Variants in ERG observed in about 807,000 individuals in gnomAD.
ERG encodes the protein transcriptional regulator ERG.
Under a neutral mutation model 55.3 loss-of-function variants are expected in ERG, and 9 were observed. The ratio of observed to expected loss-of-function variants is 0.16; its 90% CI spans 0.10 to 0.28. The LOEUF is 0.28. Ranked by LOEUF, ERG falls within the 10% of genes least tolerant of loss-of-function variation. ERG has a pLI of 1.00. For missense variants in ERG, 434 were observed against 631.6 expected (o/e 0.69, Z 3.35); for synonymous variants, 223 against 237.3 (o/e 0.94, Z 0.55).
At chr21:38,549,173 CT>C (rs1481148771) in intron 2 of ERG, among the ~76,000 whole-genome samples, 1 of 152,070 alleles carries the variant, frequency 6.6e-6, no homozygotes, top group Non-Finnish European at 1.5e-5. Flanking sequence ...AAGCCCACCC[CT>C]GACCAGTGAA....
chr21:38,528,241 C>A (rs2059644432), intron 2 of ERG, among the ~76,000 whole-genome samples: 1 of 152,130 alleles, frequency 6.6e-6, no homozygotes, highest in African/African-American at 2.4e-5. Context: ...TCTGCAATAA[C>A]CCTATTTCCA....
At chr21:38,650,084 A>G (rs2146984387) in intron 1 of ERG, among the ~76,000 whole-genome samples, 1 of 152,004 alleles carries the variant, frequency 6.6e-6, no homozygotes, top group East Asian at 1.9e-4. Context: ...TATTTTATTT[A>G]GCAGTTTTTG....
At chr21:38,639,383 A>G (rs1011328348) in intron 1 of ERG, among the ~76,000 whole-genome samples, 9 of 152,174 alleles carry the variant, frequency 5.9e-5, no homozygotes, top group Non-Finnish European at 1.2e-4. Flanking sequence ...AAAAACTATC[A>G]TTAAGATCCT....
In ERG at chr21:38,649,231, G is replaced by A. The variant is rs576170033; in HGVS notation, c.-150+12427C>T. Among the ~76,000 whole-genome samples, 38 of 152,302 alleles carry A rather than the reference G, an allele frequency of 2.5e-4. 2 individuals carry two copies. The East Asian group carries it at 5.0e-3, about 20-fold the overall frequency. The stretch of plus-strand genomic sequence containing the variant: ...CTGTTTTGGCATCACCGAGGGCTGC[G>A]GCAGGCAGCACCCAGGGGGCTTCTG... On this transcript the variant is annotated intron_variant, in intron 1 of 10. Coordinates refer to the ERG transcript ENST00000398910.
chr21:38,581,968 G>A (rs561704548), intron 1 of ERG, among the ~76,000 whole-genome samples: 8 of 151,160 alleles, frequency 5.3e-5, no homozygotes, highest in African/African-American at 1.2e-4. Context: ...GCGTGAACCC[G>A]GGAGGAGGAG....
intron 2 of ERG, among the ~76,000 whole-genome samples, chr21:38,542,503 A>C (rs527962564): frequency 1.3e-5 from 2 of 152,340 alleles, no homozygotes; most frequent in East Asian, 3.9e-4. Context: ...ATGTGTTTAT[A>C]TCAGTTGGGT....
intron 3 of ERG, among the ~76,000 whole-genome samples, chr21:38,415,061 AAC>A (rs1989218420): frequency 6.6e-6 from 1 of 152,310 alleles, no homozygotes; most frequent in African/African-American, 2.4e-5. Context: ...CAATTTAACA[AAC>A]ACATTCTCTC....
intron 2 of ERG, among the ~76,000 whole-genome samples, chr21:38,526,314 T>A (rs1005410793): frequency 2.0e-5 from 3 of 152,198 alleles, no homozygotes; most frequent in Non-Finnish European, 4.4e-5. Context: ...CTCCCCTAAG[T>A]AGTCCGTTTC....
At chr21:38,611,385 G>A (rs1030412826) in intron 1 of ERG, among the ~76,000 whole-genome samples, 3 of 152,080 alleles carry the variant, frequency 2.0e-5, no homozygotes, top group Admixed American at 6.6e-5. Flanking sequence ...GGCCCTTAGG[G>A]AACCTGGCAG....
At chr21:38,620,370 C>T (rs1047346213) in intron 1 of ERG, among the ~76,000 whole-genome samples, 9 of 152,166 alleles carry the variant, frequency 5.9e-5, no homozygotes, top group African/African-American at 9.7e-5. Context: ...TCATGTATGA[C>T]GGCCAAACCT....
intron 1 of ERG, among the ~76,000 whole-genome samples, chr21:38,609,360 C>T (rs750086707): frequency 1.3e-5 from 2 of 151,804 alleles, no homozygotes; most frequent in Non-Finnish European, 2.9e-5. Flanking sequence ...ATAGTAAATC[C>T]CAAAGAAAGT....
At chr21:38,384,956 A>G (rs927886727) in intron 9 of ERG, among the ~76,000 whole-genome samples, 2 of 152,228 alleles carry the variant, frequency 1.3e-5, no homozygotes, top group African/African-American at 4.8e-5. Context: ...TGTGTTAAGC[A>G]GCATTTCCAG....
intron 2 of ERG, among the ~76,000 whole-genome samples, chr21:38,528,066 C>A (rs921365641): frequency 6.6e-6 from 1 of 152,170 alleles, no homozygotes; most frequent in Non-Finnish European, 1.5e-5. Flanking sequence ...TCTCCCCCAG[C>A]TTCTGGGGGC....
At chr21:38,367,691 G>A in the ERG span, 7 of 499,466 alleles carry the variant, frequency 1.4e-5, no homozygotes, top group Admixed American at 1.6e-4. Context: ...CTCTTGAAAA[G>A]AGGAAAATCA....
chr21:38,569,186 T>C (rs1022275646), intron 2 of ERG, among the ~76,000 whole-genome samples: 1 of 151,326 alleles, frequency 6.6e-6, no homozygotes, highest in East Asian at 2.0e-4. Flanking sequence ...CCACCCCCAG[T>C]GGGGTACATG....
At position 38,661,451 on chromosome 21, in the gene ERG, G is replaced by C. The variant is rs1200867312; in HGVS notation, c.-150+207C>G. Among the ~76,000 whole-genome samples the C allele has an allele frequency of 3.9e-5, 6 of 152,290 alleles. No individual in the cohort carries two copies. In the South Asian group the frequency reaches 1.2e-3, roughly 32 times the overall value. On this transcript the variant is annotated intron_variant, in intron 1 of 10. Coordinates refer to the ERG transcript ENST00000398910. Reference sequence around the variant, plus strand: ...TGGGGAGGAGCCGGATACAGCCGCCGGGACGCGGGGATGCCGAGGGCACCG... The same window carrying C: ...TGGGGAGGAGCCGGATACAGCCGCCCGGACGCGGGGATGCCGAGGGCACCG...
intron 2 of ERG, among the ~76,000 whole-genome samples, chr21:38,513,670 A>G (rs2059531114): frequency 6.6e-6 from 1 of 152,206 alleles, no homozygotes; most frequent in Non-Finnish European, 1.5e-5. Context: ...AAGAGTAAAT[A>G]TGAAGTGGAG....
At chr21:38,615,203 A>C (rs2060251315) in intron 1 of ERG, among the ~76,000 whole-genome samples, 2 of 152,190 alleles carry the variant, frequency 1.3e-5, no homozygotes, top group Non-Finnish European at 2.9e-5. Flanking sequence ...AAAGCAAATA[A>C]ACTGCCTTTA....
chr21:38,520,026 C>T (rs1295137467), intron 2 of ERG, among the ~76,000 whole-genome samples: 1 of 110,724 alleles, frequency 9.0e-6, no homozygotes, highest in Non-Finnish European at 1.8e-5. Flanking sequence ...CACATACACA[C>T]ACACACAACA....
Sources: gnomAD v4.1 joint callset for allele counts (sites outside exome capture counted in the v4.1 genomes callset) on GRCh38, gnomAD v4.1.1 for gene constraint, MANE v1.5 for transcripts, NCBI Gene and HGNC (gene_info 2026-07-23, HGNC 2026-07-21) for gene names.